Variants in CACNA1I observed in about 807,000 individuals in gnomAD.
CACNA1I encodes calcium voltage-gated channel subunit alpha1 I.
A neutral mutation model predicts 201.6 loss-of-function variants in CACNA1I; 74 were observed. The ratio of observed to expected loss-of-function variants is 0.37; its 90% CI spans 0.30 to 0.45. The LOEUF (loss-of-function observed/expected upper bound fraction) is 0.45, where lower values mean the gene tolerates loss of function less well. CACNA1I is among the 20% of genes least tolerant of loss of function. The probability of loss-of-function intolerance (pLI) is 1.00; values close to 1 mark genes in which losing one functional copy is unlikely to be tolerated. For synonymous variants in CACNA1I, 1,431 were observed against 1,345.2 expected (o/e 1.06, Z -1.40); for missense variants, 2,346 against 3,138.1 (o/e 0.75, Z 6.03).
rs937233213 is a variant in CACNA1I at position 39,570,916 on chromosome 22, C to T, written c.164C>T (p.Ala55Val). 12 of 1,613,696 alleles carry T rather than the reference C, an allele frequency of 7.4e-6. No individual in the cohort carries two copies. Among genetic ancestry groups the T allele is most frequent in the Admixed American group, 3.3e-5 (2 of 59,994 alleles). Residue 55 changes from alanine (A) to valine (V), a missense_variant, in exon 1 of 37, where the codon GCG (alanine) becomes GTG (valine). This residue lies in a region of CACNA1I where 130 missense variants were observed against 160.7 expected (regional missense o/e 0.81). Transcript: ENST00000402142. ...ADPHVPHPDL[A>V]PIAFFCLRQT... ...CCTCATGTCCCACACCCAGACCTGG[C>T]GCCTATTGCCTTCTTCTGCCTGCGA... is the stretch of plus-strand genomic sequence containing the variant.
At chr22:39,660,259 A>G (rs952402139) in intron 14 of CACNA1I, 85 bp from the exon 15 acceptor site, 21 of 1,007,072 alleles carry the variant, frequency 2.1e-5, no homozygotes, top group Non-Finnish European at 2.9e-5. Context: ...ATGGCGGTGG[A>G]AACACCCATA....
chr22:39,680,069 T>C (rs544506985), intron 33 of CACNA1I, among the ~76,000 whole-genome samples: 2 of 152,324 alleles, frequency 1.3e-5, no homozygotes, highest in African/African-American at 4.8e-5. Context: ...TGGCCACAGC[T>C]GCCGACCCCA....
chr22:39,683,877 A>G (rs546997274), intron 35 of CACNA1I, among the ~76,000 whole-genome samples: 3 of 152,168 alleles, frequency 2.0e-5, no homozygotes, highest in Non-Finnish European at 4.4e-5. Flanking sequence ...AGGCCTGGCC[A>G]GGCCCCATGG....
intron 1 of CACNA1I, among the ~76,000 whole-genome samples, chr22:39,591,260 C>T (rs1190542755): frequency 2.0e-5 from 3 of 151,062 alleles, no homozygotes; most frequent in Non-Finnish European, 4.4e-5. Context: ...CTCCCGGGTT[C>T]AAGCGATCCT....
intron 4 of CACNA1I, among the ~76,000 whole-genome samples, chr22:39,625,822 TA>T (rs566108084): frequency 5.9e-4 from 90 of 152,246 alleles, no homozygotes; most frequent in African/African-American, 2.1e-3. Context: ...GAATTATCTC[TA>T]AATGTGCCCC....
At chr22:39,619,229 T>A in intron 3 of CACNA1I, 81 bp from the exon 4 acceptor site, 2 of 1,040,576 alleles carry the variant, frequency 1.9e-6, no homozygotes, top group Non-Finnish European at 1.5e-6. Flanking sequence ...AGTGCGCAGG[T>A]GGCTGGAGAA....
rs1177962787 is a variant in CACNA1I at position 39,685,301 on chromosome 22, A to C, written c.6028-460A>C. On this transcript the variant is annotated intron_variant, in intron 36 of 36. Transcript: ENST00000402142. This position sits in a 1 kb window ranked among gnomAD's most constrained non-coding sequence, Gnocchi z 5.0. ...GCAGGTGGGGGGCCCCGGGGTTGGGAGGTGGGGGGCTCTGGGGCTGGGAGG... is the reference window on the plus strand; with the variant it reads ...GCAGGTGGGGGGCCCCGGGGTTGGGCGGTGGGGGGCTCTGGGGCTGGGAGG... The C allele has an allele frequency of 2.8e-4, 3 of 10,570 alleles. No homozygotes were observed. Among genetic ancestry groups the C allele is most frequent in the Admixed American group, 1.8e-3 (1 of 568 alleles). The allele number at this position is 10,570 out of a possible 1,614,324, so 0.7% of individuals were successfully genotyped here.
intron 7 of CACNA1I, among the ~76,000 whole-genome samples, chr22:39,643,285 C>CTGGA (rs1934395070): frequency 6.6e-6 from 1 of 152,164 alleles, no homozygotes; most frequent in Non-Finnish European, 1.5e-5. Flanking sequence ...GACAAGATGC[C>CTGGA]CGGAGACTGA....
intron 1 of CACNA1I, among the ~76,000 whole-genome samples, chr22:39,581,354 G>T (rs1932541130): frequency 6.6e-6 from 1 of 152,200 alleles, no homozygotes. Context: ...TGTGCATGAG[G>T]ATGGAAGGAC....
chr22:39,649,625 C>T lies in CACNA1I; in HGVS notation c.1692C>T (p.Pro564=). The T allele has an allele frequency of 6.5e-7, 1 of 1,532,278 alleles. No individual in the cohort carries two copies. Among genetic ancestry groups the T allele is most frequent in the Non-Finnish European group, 8.8e-7 (1 of 1,138,366 alleles). The allele number at this position is 1,532,278 out of a possible 1,614,324, so 94.9% of individuals were successfully genotyped here. A position where few individuals can be genotyped will look rare whatever the true frequency, so the allele number is the denominator to read the frequency against. The change falls in exon 10 of 37, where the codon CCC becomes CCT. Residue 564 remains proline (P), a synonymous_variant. Coordinates refer to ENST00000402142, the MANE Select transcript of CACNA1I (RefSeq NM_021096.4). This position sits in a 1 kb window ranked among gnomAD's most constrained non-coding sequence, Gnocchi z 7.3. ...PCCQHEDGRR[P]SGLGSTDSGQ... is the part of the protein sequence containing the mutation. ...GCCAGCATGAGGACGGCCGGCGGCCCTCGGGCCTGGGCAGCACCGACTCGG... is the reference window on the plus strand; with the variant it reads ...GCCAGCATGAGGACGGCCGGCGGCCTTCGGGCCTGGGCAGCACCGACTCGG...
intron 1 of CACNA1I, among the ~76,000 whole-genome samples, chr22:39,572,366 T>G (rs1601784627): frequency 1.3e-5 from 2 of 151,946 alleles, no homozygotes; most frequent in Admixed American, 1.3e-4. Flanking sequence ...GGGGAGCTGG[T>G]GGGTCAGGTG....
Position 39,600,672 on chromosome 22 carries a change from G to T in CACNA1I, c.482+19G>T. The stretch of plus-strand genomic sequence containing the variant: ...TGGCAGGGTAGGTAGCGCCCGCCAG[G>T]CAGGTCCTAGCCTCTGGTGCACACC... On this transcript the variant is annotated intron_variant, in intron 3 of 36. Coordinates refer to ENST00000402142, the MANE Select transcript of CACNA1I (RefSeq NM_021096.4). The T allele has an allele frequency of 6.3e-7, 1 of 1,589,402 alleles. No homozygotes were observed. The highest frequency in any genetic ancestry group is 8.5e-7 in the Non-Finnish European group (1 of 1,169,886).
chr22:39,574,341 A>G (rs1364095177), intron 1 of CACNA1I, among the ~76,000 whole-genome samples: 1 of 152,050 alleles, frequency 6.6e-6, no homozygotes, highest in Admixed American at 6.5e-5. Flanking sequence ...TTCATAGCTG[A>G]ATTGGGTCAG....
intron 10 of CACNA1I, among the ~76,000 whole-genome samples, chr22:39,654,319 T>G (rs886517165): frequency 2.0e-5 from 3 of 152,244 alleles, no homozygotes; most frequent in African/African-American, 7.2e-5. Flanking sequence ...TGACTCCCCC[T>G]GAGCTGGGCA....
At position 39,677,241 on chromosome 22, in the gene CACNA1I, C is replaced by A; in HGVS notation, c.4855-100C>A. On this transcript the variant is annotated intron_variant, in intron 29 of 36. Coordinates refer to ENST00000402142, the MANE Select transcript of CACNA1I (RefSeq NM_021096.4). This position sits in a 1 kb window ranked among gnomAD's most constrained non-coding sequence, Gnocchi z 4.8. The stretch of plus-strand genomic sequence containing the variant: ...GGAATGTTACAGCTGCTCTGACCCA[C>A]AGGCTGCCCAACCCCACTGCCCCAG... The A allele has an allele frequency of 2.7e-6, 2 of 747,212 alleles. No individual in the cohort carries two copies. Among genetic ancestry groups the A allele is most frequent in the South Asian group, 1.6e-5 (1 of 62,516 alleles). 46.3% of individuals were successfully genotyped at this position (747,212 alleles called of 1,614,324 possible). A position where few individuals can be genotyped will look rare whatever the true frequency, so the allele number is the denominator to read the frequency against.
chr22:39,634,829 A>G, intron 5 of CACNA1I, 105 bp downstream of exon 5: 1 of 1,093,464 alleles, frequency 9.1e-7, no homozygotes, highest in Non-Finnish European at 1.3e-6. Context: ...TAGAAGCAGC[A>G]AAAAAAGAGA....
chr22:39,583,008 C>G lies in CACNA1I; in HGVS notation c.236+12020C>G, dbSNP rs576869174. On this transcript the variant is annotated intron_variant, in intron 1 of 36. Transcript: ENST00000402142. ...TCCATCCACCCACCCATCCATCCATCTGTCTTTCCATCCAAGCACCCAACC... is the reference window on the plus strand; with the variant it reads ...TCCATCCACCCACCCATCCATCCATGTGTCTTTCCATCCAAGCACCCAACC... Among the ~76,000 whole-genome samples the G allele has an allele frequency of 2.0e-5, 3 of 149,262 alleles. No homozygotes were observed. In the South Asian group the frequency reaches 6.4e-4, roughly 32 times the overall value.
At position 39,598,269 on chromosome 22, in the gene CACNA1I, C is replaced by G; in HGVS notation, c.348+7C>G. 1 of 1,464,474 alleles carries G rather than the reference C, an allele frequency of 6.8e-7. No homozygotes were observed. Among genetic ancestry groups the G allele is most frequent in the Non-Finnish European group, 9.2e-7 (1 of 1,089,640 alleles). The allele number at this position is 1,464,474 out of a possible 1,614,324, so 90.7% of individuals were successfully genotyped here. ...CCGCTGCAAGATCCTGCAGGTGAGC[C>G]GGCCGCCCCGCCCCGCCCCGCCCTG... On this transcript the variant is annotated splice_region_variant and intron_variant, in intron 2 of 36. Transcript: ENST00000402142.
chr22:39,613,431 G>A (rs576171631), intron 3 of CACNA1I, among the ~76,000 whole-genome samples: 5 of 152,322 alleles, frequency 3.3e-5, no homozygotes, highest in South Asian at 2.1e-4. Flanking sequence ...CATGTGATTC[G>A]TGGGCGCGTG....
Sources: gnomAD v4.1 joint callset for allele counts (sites outside exome capture counted in the v4.1 genomes callset) on GRCh38, gnomAD v4.1.1 for gene constraint, gnomAD v4.1.1 regional missense constraint, Gnocchi (gnomAD v3.1) non-coding constraint, MANE v1.5 for transcripts, NCBI Gene and HGNC (gene_info 2026-07-23, HGNC 2026-07-21) for gene names.